Variants in LRBA observed in about 807,000 individuals in gnomAD.
The protein encoded by LRBA is LPS responsive beige-like anchor protein.
A neutral mutation model predicts 330.0 loss-of-function variants in LRBA; 176 were observed. That is an observed-to-expected ratio of 0.53 (90% confidence interval 0.47 to 0.60). LRBA has a LOEUF of 0.60. Ranked by LOEUF, LRBA falls within the 20% of genes least tolerant of loss-of-function variation. The pLI, the probability that LRBA is intolerant of heterozygous loss-of-function variation, is 0.00. For synonymous variants in LRBA, 1,230 were observed against 1,193.0 expected (o/e 1.03, Z -0.64); for missense variants, 3,259 against 3,444.8 (o/e 0.95, Z 1.35).
chr4:150,871,968 G>A (rs1263803602), intron 18 of LRBA, among the ~76,000 whole-genome samples: 1 of 152,036 alleles, frequency 6.6e-6, no homozygotes, highest in East Asian at 1.9e-4. Context: ...TTTACCCTTG[G>A]GGTCAGCAAA....
At chr4:150,619,231 G>A (rs983797057) in intron 37 of LRBA, among the ~76,000 whole-genome samples, 2 of 152,090 alleles carry the variant, frequency 1.3e-5, no homozygotes, top group African/African-American at 4.8e-5. Flanking sequence ...TTGCCCAGAC[G>A]ATAGAGTCCA....
At chr4:150,570,737 G>A (rs1769734666) in intron 40 of LRBA, among the ~76,000 whole-genome samples, 1 of 152,046 alleles carries the variant, frequency 6.6e-6, no homozygotes, top group South Asian at 2.1e-4. Flanking sequence ...TGCAATGTAG[G>A]TGCCCATTCC....
chr4:150,867,568 G>A, intron 22 of LRBA, 103 bp downstream of exon 22: 1 of 771,232 alleles, frequency 1.3e-6, no homozygotes, highest in South Asian at 2.0e-5. Context: ...AAGATAACTT[G>A]CCTTTTTTCC....
chr4:150,717,697 T>TAATAATAATAATAATAAC (rs2127065777), intron 36 of LRBA, among the ~76,000 whole-genome samples: 1 of 147,916 alleles, frequency 6.8e-6, no homozygotes, highest in South Asian at 2.1e-4. Context: ...ATAATAATAA[T>TAATAATAATAATAATAAC]AATAATCAGT....
At chr4:150,589,922 T>A (rs1032948612) in intron 39 of LRBA, among the ~76,000 whole-genome samples, 1 of 152,188 alleles carries the variant, frequency 6.6e-6, no homozygotes, top group African/African-American at 2.4e-5. Context: ...TCAGAGAAGA[T>A]ACCATCTTCT....
intron 36 of LRBA, chr4:150,721,274 C>T (rs1728889811): frequency 5.4e-6 from 2 of 367,408 alleles, no homozygotes; most frequent in Admixed American, 4.2e-5. Flanking sequence ...TTTATAAGTC[C>T]AATGCTGATG....
In LRBA at chr4:150,897,729, G is replaced by T; in HGVS notation, c.2004+10C>A. 1 of 1,595,150 alleles carries T rather than the reference G, an allele frequency of 6.3e-7. No individual in the cohort carries two copies. Among genetic ancestry groups the T allele is most frequent in the Non-Finnish European group, 8.6e-7 (1 of 1,163,792 alleles). On this transcript the variant is annotated intron_variant, in intron 15 of 56. Transcript: ENST00000651943. Reference sequence around the variant, plus strand: ...CACGGTATGCTATGGAATAAGCAACGTGAACTCACCTTCATCACTAATTGC... The same window carrying T: ...CACGGTATGCTATGGAATAAGCAACTTGAACTCACCTTCATCACTAATTGC...
chr4:150,713,991 T>C (rs945316339), intron 36 of LRBA, among the ~76,000 whole-genome samples: 5 of 152,210 alleles, frequency 3.3e-5, no homozygotes, highest in African/African-American at 1.2e-4. Flanking sequence ...GCCAGTCTGA[T>C]AGTTTAGAGG....
intron 40 of LRBA, among the ~76,000 whole-genome samples, chr4:150,562,284 A>G (rs917645650): frequency 4.6e-5 from 7 of 152,128 alleles, no homozygotes; most frequent in African/African-American, 1.7e-4. Flanking sequence ...TTCCAGGGAT[A>G]TTTCTCCCTC....
At chr4:150,881,067 G>C (rs1007304464) in intron 17 of LRBA, among the ~76,000 whole-genome samples, 2 of 152,180 alleles carry the variant, frequency 1.3e-5, no homozygotes, top group Non-Finnish European at 2.9e-5. Context: ...CAGAGAAAAG[G>C]TTGGTGGGAA....
At chr4:150,717,128 AAAAC>A (rs1728302311) in intron 36 of LRBA, among the ~76,000 whole-genome samples, 1 of 152,206 alleles carries the variant, frequency 6.6e-6, no homozygotes, top group Non-Finnish European at 1.5e-5. Flanking sequence ...TATATGACCT[AAAAC>A]AAACCACTGA....
chr4:150,846,388 G>A (rs1393324692), intron 26 of LRBA, among the ~76,000 whole-genome samples: 3 of 151,982 alleles, frequency 2.0e-5, no homozygotes, highest in Admixed American at 6.6e-5. Context: ...GAATTAGCCG[G>A]GTGTGGTGGG....
At chr4:150,571,649 G>GTTTTTTT (rs58652637) in intron 40 of LRBA, among the ~76,000 whole-genome samples, 35 of 74,576 alleles carry the variant, frequency 4.7e-4, no homozygotes, top group South Asian at 1.4e-3. Flanking sequence ...CTGGTTAGTT[G>GTTTTTTT]TTTTTTTTTT....
At chr4:150,891,885 G>T (rs932443762) in intron 17 of LRBA, among the ~76,000 whole-genome samples, 2 of 152,180 alleles carry the variant, frequency 1.3e-5, no homozygotes, top group Non-Finnish European at 2.9e-5. Context: ...GAGCCTAGGA[G>T]TTCAAGACCA....
intron 43 of LRBA, among the ~76,000 whole-genome samples, chr4:150,469,084 G>A (rs918676477): frequency 6.6e-6 from 1 of 151,350 alleles, no homozygotes; most frequent in Non-Finnish European, 1.5e-5. Context: ...TTAAATGTTG[G>A]TAAACAGTAA....
chr4:150,981,306 T>C (rs1222550080), intron 2 of LRBA, among the ~76,000 whole-genome samples: 2 of 150,584 alleles, frequency 1.3e-5, no homozygotes, highest in South Asian at 2.1e-4. Context: ...CCAGCTACTC[T>C]GGAGGCTGAG....
At chr4:150,935,411 T>C (rs1734990881) in intron 2 of LRBA, among the ~76,000 whole-genome samples, 4 of 152,126 alleles carry the variant, frequency 2.6e-5, no homozygotes, top group Admixed American at 2.6e-4. Context: ...CAACTATAAG[T>C]ATAAAGTATC....
At chr4:150,691,121 G>A (rs538466878) in intron 36 of LRBA, among the ~76,000 whole-genome samples, 31 of 151,746 alleles carry the variant, frequency 2.0e-4, no homozygotes, top group African/African-American at 4.4e-4. Context: ...TAGTAGAGGC[G>A]GGGTTTCACC....
intron 47 of LRBA, among the ~76,000 whole-genome samples, chr4:150,408,717 T>C (rs942654385): frequency 1.3e-5 from 2 of 152,124 alleles, no homozygotes; most frequent in African/African-American, 2.4e-5. Flanking sequence ...ATAAGTGTAA[T>C]ATATTTGTGA....
Sources: allele counts gnomAD v4.1 joint callset (sites outside exome capture counted in the v4.1 genomes callset), GRCh38; gene constraint gnomAD v4.1.1; transcripts MANE v1.5; gene names NCBI Gene and HGNC (gene_info 2026-07-23, HGNC 2026-07-21).